SPMIP11: variants seen among roughly 807,000 people sequenced by gnomAD.
The protein encoded by SPMIP11 is long intergenic non-protein coding RNA 935.
chr12:48,765,573 T>G, the SPMIP11 span: 4 of 702,764 alleles, frequency 5.7e-6, no homozygotes, highest in African/African-American at 5.2e-5. Flanking sequence ...CAGCCTGGCC[T>G]GGCTGAATCT....
chr12:48,735,003 C>CAAA, the SPMIP11 span, among the ~76,000 whole-genome samples: 25,464 of 83,834 alleles, frequency 0.3, 4,709 homozygotes, highest in East Asian at 0.61. Context: ...GACTCTGTCT[C>CAAA]AAAAAAAAAA....
chr12:48,759,067 T>C, the SPMIP11 span: 5 of 602,974 alleles, frequency 8.3e-6, no homozygotes, highest in African/African-American at 3.7e-5. Context: ...GCCATGGTGA[T>C]TGGATTCCTG....
chr12:48,751,570 C>T, the SPMIP11 span, among the ~76,000 whole-genome samples: 1 of 152,116 alleles, frequency 6.6e-6, no homozygotes, highest in Non-Finnish European at 1.5e-5. Context: ...TGCACCAGTG[C>T]ATTCCAGCCT....
chr12:48,750,586 C>T, the SPMIP11 span, among the ~76,000 whole-genome samples: 1 of 152,128 alleles, frequency 6.6e-6, no homozygotes, highest in Non-Finnish European at 1.5e-5. Flanking sequence ...TCCTACTTTT[C>T]TATTACCTCA....
the SPMIP11 span, among the ~76,000 whole-genome samples, chr12:48,749,482 G>T: frequency 6.6e-6 from 1 of 151,126 alleles, no homozygotes; most frequent in Non-Finnish European, 1.5e-5. Flanking sequence ...TAAAAAATTA[G>T]CCGGGCATGG....
chr12:48,769,185 T>C, the SPMIP11 span: 2 of 1,092,564 alleles, frequency 1.8e-6, no homozygotes, highest in Non-Finnish European at 1.3e-6. Context: ...AGTCTCCTGG[T>C]TGTAAAGAAC....
the SPMIP11 span, chr12:48,727,506 T>C: frequency 2.8e-6 from 2 of 702,916 alleles, no homozygotes; most frequent in African/African-American, 3.5e-5. Flanking sequence ...TTGTATCTAT[T>C]GGGATATCAA....
the SPMIP11 span, among the ~76,000 whole-genome samples, chr12:48,757,515 G>A: frequency 1.3e-5 from 2 of 151,446 alleles, no homozygotes; most frequent in African/African-American, 2.4e-5. Flanking sequence ...GCGTGGTGGT[G>A]AGCGCCTGTA....
At chr12:48,757,373 C>T in the SPMIP11 span, among the ~76,000 whole-genome samples, 5 of 151,992 alleles carry the variant, frequency 3.3e-5, no homozygotes, top group Middle Eastern at 3.4e-3. Flanking sequence ...ATTGGCTGGG[C>T]GCAGTGCCTC....
chr12:48,752,669 C>CTTTTT, the SPMIP11 span, among the ~76,000 whole-genome samples: 4 of 119,292 alleles, frequency 3.4e-5, no homozygotes, highest in Non-Finnish European at 5.1e-5. Flanking sequence ...CCTATTTATT[C>CTTTTT]TTTTTTTTTT....
chr12:48,753,895 G>A, the SPMIP11 span, among the ~76,000 whole-genome samples: 2 of 151,650 alleles, frequency 1.3e-5, no homozygotes, highest in African/African-American at 2.4e-5. Context: ...TAGAGACAGG[G>A]TTTTGCCATG....
the SPMIP11 span, among the ~76,000 whole-genome samples, chr12:48,761,048 A>G: frequency 2.0e-5 from 3 of 152,202 alleles, no homozygotes; most frequent in South Asian, 6.2e-4. Context: ...ACCTCTCTGA[A>G]CCATCTGGAA....
chr12:48,733,919 T>C, the SPMIP11 span, among the ~76,000 whole-genome samples: 2 of 151,734 alleles, frequency 1.3e-5, no homozygotes, highest in African/African-American at 2.4e-5. Context: ...TACAGGCACA[T>C]GCCACCACAC....
the SPMIP11 span, among the ~76,000 whole-genome samples, chr12:48,741,488 A>T: frequency 3.9e-5 from 6 of 152,060 alleles, no homozygotes; most frequent in Admixed American, 6.5e-5. Flanking sequence ...TCTTCAGTCC[A>T]TCATATCGGG....
chr12:48,749,297 C>G, the SPMIP11 span, among the ~76,000 whole-genome samples: 2 of 151,008 alleles, frequency 1.3e-5, no homozygotes, highest in South Asian at 2.1e-4. Flanking sequence ...TCTTAAAACC[C>G]CTCATTTCCT....
the SPMIP11 span, among the ~76,000 whole-genome samples, chr12:48,738,620 C>T: frequency 7.2e-5 from 11 of 151,870 alleles, no homozygotes; most frequent in Admixed American, 3.9e-4. Context: ...CTGCAAGCTC[C>T]GCCTCCGGGG....
the SPMIP11 span, among the ~76,000 whole-genome samples, chr12:48,748,497 G>GA: frequency 5.5e-3 from 715 of 129,120 alleles, 4 homozygotes; most frequent in African/African-American, 0.016. Flanking sequence ...TCACGGTCTA[G>GA]AAAAAAAAAA....
chr12:48,748,942 C>A, the SPMIP11 span, among the ~76,000 whole-genome samples: 2 of 152,146 alleles, frequency 1.3e-5, no homozygotes, highest in Non-Finnish European at 2.9e-5. Flanking sequence ...ATTCTTCTCA[C>A]TCTTGCATTA....
chr12:48,766,462 G>A, the SPMIP11 span: 1 of 152,662 alleles, frequency 6.6e-6, no homozygotes, highest in African/African-American at 2.4e-5. Flanking sequence ...ACCCAAGGCT[G>A]AGGTCTTCCC....
Sources: allele counts gnomAD v4.1 joint callset (sites outside exome capture counted in the v4.1 genomes callset), GRCh38; gene constraint gnomAD v4.1.1; transcripts MANE v1.5; gene names NCBI Gene and HGNC (gene_info 2026-07-23, HGNC 2026-07-21).